JADE3: variants seen among roughly 807,000 people sequenced by gnomAD.
JADE3 encodes the protein jade family PHD finger 3, also known as protein Jade-3.
A neutral mutation model predicts 50.1 loss-of-function variants in JADE3; 2 were observed. The ratio of observed to expected loss-of-function variants is 0.04; its 90% confidence interval spans 0.02 to 0.13. JADE3 has a LOEUF of 0.13. Ranked by LOEUF, JADE3 falls within the 10% of genes least tolerant of loss-of-function variation. The probability of loss-of-function intolerance (pLI) is 1.00; values close to 1 mark genes in which losing one functional copy is unlikely to be tolerated. For synonymous variants in JADE3, 218 were observed against 232.9 expected, an observed-to-expected ratio of 0.94 and a Z score of 0.58; for missense variants, 475 against 634.4, an observed-to-expected ratio of 0.75 and a Z score of 2.70.
rs782612242 is a variant in JADE3, at chrX:46,972,725, G to C, written c.-11-12159G>C. On this transcript the variant is annotated intron_variant, in intron 1 of 10. Transcript: ENST00000614628. ...AGCATTTCTTGTGCCTCAGCCTCCC[G>C]AGCAGCTGGGATTACAGGCATGTGC... Among the ~76,000 whole-genome samples the C allele has an allele frequency of 1.4e-4, 16 of 111,073 alleles. No individual in the cohort carries two copies. In the Admixed American group the frequency reaches 1.5e-3, roughly 11 times the overall value.
rs373244554 is a variant in JADE3, at chrX:47,000,155, C to T, written c.284+1878C>T. Among the ~76,000 whole-genome samples the T allele has an allele frequency of 6.2e-4, 69 of 111,197 alleles. No individual in the cohort carries two copies. The South Asian group carries it at 0.024, about 39-fold the overall frequency. On this transcript the variant is annotated intron_variant, in intron 4 of 10. Transcript: ENST00000614628. ...TGCCTATGCTCTGTTAAGGAAAGCTCCACAGCCTTGCTCAGCACATGTCCC... is the reference window on the plus strand; with the variant it reads ...TGCCTATGCTCTGTTAAGGAAAGCTTCACAGCCTTGCTCAGCACATGTCCC...
intron 1 of JADE3, among the ~76,000 whole-genome samples, chrX:46,937,805 A>C (rs1277165449): frequency 9.0e-6 from 1 of 110,956 alleles, no homozygotes; most frequent in Non-Finnish European, 1.9e-5. Context: ...ACATGGTGAA[A>C]CCCCATCTCT....
At chrX:46,953,442 T>C (rs1927051885) in intron 1 of JADE3, among the ~76,000 whole-genome samples, 1 of 111,532 alleles carries the variant, frequency 9.0e-6, no homozygotes, top group Non-Finnish European at 1.9e-5. Context: ...GTTATATACT[T>C]TTAAGAGTTC....
intron 7 of JADE3, among the ~76,000 whole-genome samples, chrX:47,038,137 T>A (rs1929174284): frequency 8.9e-6 from 1 of 112,347 alleles, no homozygotes; most frequent in East Asian, 2.8e-4. Flanking sequence ...CGTTCTTTTA[T>A]ATGGTTGAAT....
chrX:46,978,065 C>T (rs1927664844), intron 1 of JADE3, among the ~76,000 whole-genome samples: 1 of 111,824 alleles, frequency 8.9e-6, no homozygotes, highest in Non-Finnish European at 1.9e-5. Flanking sequence ...ACAGTCCCTG[C>T]TTTCAAGATG....
chrX:47,024,490 C>CT lies in JADE3; in HGVS notation c.285-233dup, dbSNP rs1399186896. On this transcript the variant is annotated intron_variant, in intron 4 of 10. Coordinates refer to ENST00000614628, the MANE Select transcript of JADE3 (RefSeq NM_014735.5). ...CCTGGGTGGTTGAGCAAGAGCTTGT[C>CT]TCTAAAAATTTTTTTAAAAATTAGA... is the stretch of plus-strand genomic sequence containing the variant. 1.2e-4 allele frequency among the ~76,000 whole-genome samples: 13 copies of CT among 111,789 alleles called. No homozygotes were observed. In the Admixed American group the frequency reaches 1.2e-3, roughly 11 times the overall value.
At chrX:46,937,917 T>C (rs1926668534) in intron 1 of JADE3, among the ~76,000 whole-genome samples, 1 of 111,597 alleles carries the variant, frequency 9.0e-6, no homozygotes, top group South Asian at 3.8e-4. Context: ...GAGGTGGAGG[T>C]TGCAGTGAGC....
At chrX:46,934,655 C>G (rs1463134253) in intron 1 of JADE3, among the ~76,000 whole-genome samples, 2 of 107,019 alleles carry the variant, frequency 1.9e-5, no homozygotes, top group African/African-American at 6.8e-5. Flanking sequence ...GGCTGGTCTC[C>G]AACTCCTGAT....
At chrX:46,964,937 A>T (rs1927337429) in intron 1 of JADE3, among the ~76,000 whole-genome samples, 1 of 112,427 alleles carries the variant, frequency 8.9e-6, no homozygotes, top group African/African-American at 3.2e-5. Context: ...AAGGTTGTGT[A>T]ATAGTCATAA....
chrX:46,956,789 C>CTCCCCT (rs1400243754), intron 1 of JADE3, among the ~76,000 whole-genome samples: 1 of 94,844 alleles, frequency 1.1e-5, no homozygotes, highest in African/African-American at 3.9e-5. Context: ...CCTTTGTTTT[C>CTCCCCT]TCCCCTTCCC....
chrX:47,010,285 A>G (rs782591629), intron 4 of JADE3, among the ~76,000 whole-genome samples: 2 of 111,187 alleles, frequency 1.8e-5, no homozygotes, highest in South Asian at 7.6e-4. Context: ...CTGGAGTGCA[A>G]TGGTGCGATC....
At chrX:46,958,236 G>A (rs1927177539) in intron 1 of JADE3, among the ~76,000 whole-genome samples, 1 of 112,169 alleles carries the variant, frequency 8.9e-6, no homozygotes, top group Admixed American at 9.5e-5. Flanking sequence ...GGTGTTTACT[G>A]ACATCAAAAG....
In JADE3 at chrX:46,973,464, G is replaced by A. The variant is rs782131341; in HGVS notation, c.-11-11420G>A. ...TATCTCTTTCAAAGATTTGTTAGGG[G>A]TGAGGAGAAGCAGTGACATATGTAG... On this transcript the variant is annotated intron_variant, in intron 1 of 10. Transcript: ENST00000614628. 7.1e-5 allele frequency among the ~76,000 whole-genome samples: 8 copies of A among 112,414 alleles called. No homozygotes were observed. The South Asian group carries it at 3.0e-3, about 42-fold the overall frequency.
chrX:46,917,850 TCTCTCATCC>T (rs1556336805), intron 1 of JADE3, among the ~76,000 whole-genome samples: 1 of 89,252 alleles, frequency 1.1e-5, no homozygotes, highest in African/African-American at 4.4e-5. Context: ...TCTCTCTCTC[TCTCTCATCC>T]TCTCTCTCTC....
intron 1 of JADE3, among the ~76,000 whole-genome samples, chrX:46,958,895 C>T (rs1351506627): frequency 9.0e-6 from 1 of 111,688 alleles, no homozygotes; most frequent in East Asian, 2.8e-4. Flanking sequence ...TTGTGCTCTA[C>T]TTCCCAGCCA....
rs1929593148 is a variant in JADE3, at chrX:47,054,498, G to A, written c.1313G>A (p.Arg438Gln). The A allele has an allele frequency of 8.3e-7, 1 of 1,209,901 alleles. No individual in the cohort carries two copies. The highest frequency in any genetic ancestry group is 1.1e-6 in the Non-Finnish European group (1 of 893,818). ...ATCTATAACTACTGGAAACTGAAGCGGAAAAGTAACTTCAATAAGCCATTA... is the reference window on the plus strand; with the variant it reads ...ATCTATAACTACTGGAAACTGAAGCAGAAAAGTAACTTCAATAAGCCATTA... ...DFIYNYWKLK[R>Q]KSNFNKPLFP... The change falls in exon 9 of 11, where the codon CGG becomes CAG. Residue 438 changes from arginine to glutamine, a missense_variant. Physicochemically the swap from Arg to Gln is conservative, Grantham distance 43 (BLOSUM62 1). Around this residue, in one of 6 missense-constraint regions of JADE3, gnomAD observed 81 missense variants for 123.8 expected, o/e 0.65. Transcript: ENST00000614628.
At position 47,002,067 on chromosome X, in the gene JADE3, G is replaced by A. The variant is rs377261057; in HGVS notation, c.284+3790G>A. ...CAGTCTATTTATAGATTGACTTTTC[G>A]TCCAGTTAAGAGGGTCGTTCACAAA... On this transcript the variant is annotated intron_variant, in intron 4 of 10. Coordinates refer to ENST00000614628, the MANE Select transcript of JADE3 (RefSeq NM_014735.5). 9.6e-4 allele frequency among the ~76,000 whole-genome samples: 106 copies of A among 110,782 alleles called. No individual in the cohort carries two copies. In the South Asian group the frequency reaches 0.039, roughly 41 times the overall value.
intron 1 of JADE3, among the ~76,000 whole-genome samples, chrX:46,970,579 G>GT (rs1330117543): frequency 8.9e-6 from 1 of 112,018 alleles, no homozygotes; most frequent in Non-Finnish European, 1.9e-5. Flanking sequence ...TGGTTTCTCA[G>GT]TTTTTTCCTT....
Position 47,020,843 on chromosome X carries a change from G to A in JADE3, c.285-3881G>A, listed in dbSNP as rs1470474027. Among the ~76,000 whole-genome samples, 7 of 111,712 alleles carry A rather than the reference G, an allele frequency of 6.3e-5. No homozygotes were observed. The East Asian group carries it at 1.1e-3, about 18-fold the overall frequency. On this transcript the variant is annotated intron_variant, in intron 4 of 10. Transcript: ENST00000614628. ...GGGGAAATAAAACATGGCTGGGCAC[G>A]GTGGCTCATGCCTGTAATACCAGCA...
Sources: allele counts gnomAD v4.1 joint callset (sites outside exome capture counted in the v4.1 genomes callset), GRCh38; gene constraint gnomAD v4.1.1; regional missense constraint gnomAD v4.1.1; transcripts MANE v1.5; gene names NCBI Gene and HGNC (gene_info 2026-07-23, HGNC 2026-07-21).